The following ARHGEF10L variants were observed in gnomAD, a reference collection of about 807,000 sequenced individuals.
ARHGEF10L encodes Rho guanine nucleotide exchange factor 10 like, also known as rho guanine nucleotide exchange factor 10-like protein.
Under a neutral mutation model 141.2 loss-of-function variants are expected in ARHGEF10L, and 69 were observed. The observed-to-expected ratio is 0.49, with a 90% CI of 0.40 to 0.60. The LOEUF (loss-of-function observed/expected upper bound fraction) is 0.60, where lower values mean the gene tolerates loss of function less well. ARHGEF10L is among the 20% of genes least tolerant of loss of function. The pLI, the probability that ARHGEF10L is intolerant of heterozygous loss-of-function variation, is 0.00. For synonymous variants in ARHGEF10L, 711 were observed against 718.5 expected, an observed-to-expected ratio of 0.99 and a Z score of 0.17; for missense variants, 1,482 against 1,734.3, an observed-to-expected ratio of 0.85 and a Z score of 2.58.
intron 28 of ARHGEF10L, 106 bp downstream of exon 28, chr1:17,695,386 G>C (rs2065423985): frequency 1.4e-6 from 2 of 1,429,314 alleles, no homozygotes; most frequent in Non-Finnish European, 1.8e-6. Context: ...ATAGGGATGG[G>C]GTTCCAGTCT....
At chr1:17,589,447 T>G (rs2079342355) in intron 4 of ARHGEF10L, among the ~76,000 whole-genome samples, 1 of 152,224 alleles carries the variant, frequency 6.6e-6, no homozygotes, top group South Asian at 2.1e-4. Context: ...GAGGCATGTC[T>G]GAGCCCTGCT....
chr1:17,602,943 G>A (rs2080829867), intron 5 of ARHGEF10L, among the ~76,000 whole-genome samples: 1 of 152,052 alleles, frequency 6.6e-6, no homozygotes, highest in Non-Finnish European at 1.5e-5. Flanking sequence ...GGGGTCTAGA[G>A]AGAGGTGGGC....
intron 21 of ARHGEF10L, among the ~76,000 whole-genome samples, chr1:17,640,684 CTA>C: frequency 6.6e-6 from 1 of 152,184 alleles, no homozygotes; most frequent in African/African-American, 2.4e-5. Flanking sequence ...AACTCTGTGA[CTA>C]CACCAAAAAT....
At chr1:17,685,442 C>T (rs1467826755) in intron 26 of ARHGEF10L, among the ~76,000 whole-genome samples, 2 of 152,226 alleles carry the variant, frequency 1.3e-5, no homozygotes, top group African/African-American at 2.4e-5. Context: ...TGCTCTTCCC[C>T]CTCCTCCCAA....
chr1:17,591,051 T>A (rs1285019483), intron 4 of ARHGEF10L, among the ~76,000 whole-genome samples: 1 of 151,782 alleles, frequency 6.6e-6, no homozygotes, highest in Admixed American at 6.6e-5. Context: ...TACCCCCAAA[T>A]GAATGGCATG....
At chr1:17,617,245 T>C (rs1351786923) in intron 9 of ARHGEF10L, among the ~76,000 whole-genome samples, 1 of 152,206 alleles carries the variant, frequency 6.6e-6, no homozygotes, top group African/African-American at 2.4e-5. Flanking sequence ...TCAGATTTGA[T>C]CAATTGATCA....
At chr1:17,528,533 TCATCCATCCACCCATCCATCCATC>T in the ARHGEF10L span, among the ~76,000 whole-genome samples, 1 of 151,916 alleles carries the variant, frequency 6.6e-6, no homozygotes, top group Non-Finnish European at 1.5e-5. Flanking sequence ...TCAGTTGTAT[TCATCCATCCACCCATCCATCCATC>T]CATCCATCCA....
chr1:17,595,220 C>CATTTTTTT (rs1182280745), intron 4 of ARHGEF10L, among the ~76,000 whole-genome samples: 1 of 106,114 alleles, frequency 9.4e-6, no homozygotes, highest in African/African-American at 3.7e-5. Flanking sequence ...CGTGGCTCAC[C>CATTTTTTT]TTTTTTTTTT....
At chr1:17,664,620 G>T in intron 26 of ARHGEF10L, 25 bp downstream of exon 26, 1 of 1,497,310 alleles carries the variant, frequency 6.7e-7, no homozygotes. Flanking sequence ...TTTGGCTTGT[G>T]GCCCTGGAGG....
At chr1:17,559,980 C>A (rs2077483240) in intron 1 of ARHGEF10L, among the ~76,000 whole-genome samples, 1 of 152,132 alleles carries the variant, frequency 6.6e-6, no homozygotes, top group Non-Finnish European at 1.5e-5. Context: ...GCCTGATGCC[C>A]TGCAAGATTT....
At chr1:17,553,806 A>G (rs1297948432) in intron 1 of ARHGEF10L, among the ~76,000 whole-genome samples, 6 of 152,166 alleles carry the variant, frequency 3.9e-5, no homozygotes, top group Non-Finnish European at 5.9e-5. Context: ...TAAAAAATAT[A>G]TAGCTTAATA....
At chr1:17,514,125 CTTTTTTTTTTTT>C in the ARHGEF10L span, among the ~76,000 whole-genome samples, 316 of 40,500 alleles carry the variant, frequency 7.8e-3, no homozygotes, top group Non-Finnish European at 0.01. Context: ...CACCCAGCCT[CTTTTTTTTTTTT>C]TTTTTTTTTT....
At chr1:17,677,591 G>A (rs2063803135) in intron 26 of ARHGEF10L, among the ~76,000 whole-genome samples, 1 of 152,204 alleles carries the variant, frequency 6.6e-6, no homozygotes, top group Non-Finnish European at 1.5e-5. Flanking sequence ...GGCATGGTAG[G>A]GGAGGGAGAT....
chr1:17,691,210 G>T (rs2065078435), intron 27 of ARHGEF10L: 3 of 422,238 alleles, frequency 7.1e-6, no homozygotes, highest in African/African-American at 2.1e-5. Context: ...GAACACTGCC[G>T]CATTAAGTCT....
rs74059378 is a variant in ARHGEF10L, at chr1:17,619,698, G to A, written c.942+253G>A. ...GGCTCCCGGCATCTAGAACGCTTGC[G>A]TCCCCCAACTCCATGGCATGCAGAG... On this transcript the variant is annotated intron_variant, in intron 10 of 28. Coordinates refer to ENST00000361221, the MANE Select transcript of ARHGEF10L (RefSeq NM_018125.4). This position sits in a 1 kb window ranked among gnomAD's most constrained non-coding sequence, Gnocchi z 5.0. Among the ~76,000 whole-genome samples, 9 of 152,058 alleles carry A rather than the reference G, an allele frequency of 5.9e-5. No individual in the cohort carries two copies. In the South Asian group the frequency reaches 1.0e-3, roughly 18 times the overall value.
At chr1:17,539,593 C>T (rs1297865119), upstream of ARHGEF10L, among the ~76,000 whole-genome samples, 1 of 151,586 alleles carries the variant, frequency 6.6e-6, no homozygotes, top group African/African-American at 2.4e-5. The surrounding 1 kb of genome is among the most constrained non-coding windows in gnomAD (Gnocchi z 6.0). Flanking sequence ...CCTCGCGGCG[C>T]GCTGGGAGCA....
At chr1:17,695,060 G>A (rs542683819) in intron 27 of ARHGEF10L, 98 bp from the exon 28 acceptor site, 42 of 1,567,478 alleles carry the variant, frequency 2.7e-5, no homozygotes, top group Non-Finnish European at 3.2e-5. Context: ...GGTTTCAGGG[G>A]AGGAGCCCGC....
In ARHGEF10L at chr1:17,587,561, A is replaced by G; in HGVS notation, c.139A>G (p.Ser47Gly). 1 of 1,614,222 alleles carries G rather than the reference A, an allele frequency of 6.2e-7. No individual in the cohort carries two copies. The highest frequency in any genetic ancestry group is 8.5e-7 in the Non-Finnish European group (1 of 1,180,032). The change falls in exon 3 of 29, where the codon AGC (serine) becomes GGC (glycine). Residue 47 changes from serine (S) to glycine (G), a missense_variant. Transcript: ENST00000361221. ...TGACAGTGATGATGAAGAGGACACCAGCGCAGCCCTGGGCGTCCCCAGCCT... is the reference window on the plus strand; with the variant it reads ...TGACAGTGATGATGAAGAGGACACCGGCGCAGCCCTGGGCGTCCCCAGCCT... ...FDDSDDEEDT[S>G]AALGVPSLAP...
intron 4 of ARHGEF10L, among the ~76,000 whole-genome samples, chr1:17,596,129 T>C (rs1303667058): frequency 6.6e-6 from 1 of 152,176 alleles, no homozygotes. Context: ...TGACCAACAG[T>C]CAGAGTCTCT....
Sources: gnomAD v4.1 joint callset for allele counts (sites outside exome capture counted in the v4.1 genomes callset) on GRCh38, gnomAD v4.1.1 for gene constraint, Gnocchi (gnomAD v3.1) non-coding constraint, MANE v1.5 for transcripts, NCBI Gene and HGNC (gene_info 2026-07-23, HGNC 2026-07-21) for gene names.